Variants in ADH1C observed in about 807,000 individuals in gnomAD.
The protein encoded by ADH1C is alcohol dehydrogenase 1C.
A neutral mutation model predicts 35.0 loss-of-function variants in ADH1C; 26 were observed. That is an observed-to-expected ratio of 0.74 (90% CI 0.54 to 1.03). ADH1C has a LOEUF of 1.03. ADH1C is among the 50% of genes least tolerant of loss of function. ADH1C has a pLI of 0.00. For synonymous variants in ADH1C, 170 were observed against 169.3 expected (o/e 1.00, Z -0.03); for missense variants, 413 against 465.4 (o/e 0.89, Z 1.04).
intron 8 of ADH1C, among the ~76,000 whole-genome samples, chr4:99,337,149 C>A (rs1734297150): frequency 6.6e-6 from 1 of 152,102 alleles, no homozygotes. Context: ...ATGCTTCATG[C>A]ATTTTTTTCA....
intron 6 of ADH1C, among the ~76,000 whole-genome samples, chr4:99,342,430 T>C (rs1006041857): frequency 2.6e-5 from 4 of 152,202 alleles, no homozygotes; most frequent in African/African-American, 9.6e-5. Context: ...GTTAAAATAT[T>C]TTTGTTAAGA....
chr4:99,348,076 T>C (rs1328748911), intron 1 of ADH1C, among the ~76,000 whole-genome samples: 1 of 152,026 alleles, frequency 6.6e-6, no homozygotes, highest in Non-Finnish European at 1.5e-5. Flanking sequence ...TTAGATAAAA[T>C]GGAATATATT....
At chr4:99,348,172 T>A (rs952711785) in intron 1 of ADH1C, among the ~76,000 whole-genome samples, 1 of 151,884 alleles carries the variant, frequency 6.6e-6, no homozygotes, top group Non-Finnish European at 1.5e-5. Context: ...CATGTGCACA[T>A]TGTGCAGGTT....
intron 5 of ADH1C, 148 bp downstream of exon 5, chr4:99,344,714 G>A (rs956501679): frequency 5.0e-5 from 48 of 968,944 alleles, no homozygotes; most frequent in Middle Eastern, 4.5e-4. Context: ...TCTAGCCTGT[G>A]CTCTCAGTTC....
At chr4:99,339,137 C>A (rs1210869111) in intron 8 of ADH1C, among the ~76,000 whole-genome samples, 1 of 152,028 alleles carries the variant, frequency 6.6e-6, no homozygotes, top group Non-Finnish European at 1.5e-5. Flanking sequence ...TCCACCTACT[C>A]CCATAATGAA....
chr4:99,340,516 A>G, intron 7 of ADH1C, 59 bp downstream of exon 7: 1 of 1,595,830 alleles, frequency 6.3e-7, no homozygotes, highest in Non-Finnish European at 8.6e-7. Context: ...CTTGTCACTC[A>G]TAAAAGGAGA....
At chr4:99,339,512 G>T (rs2903199) in intron 8 of ADH1C, 65 bp downstream of exon 8, 2 of 743,932 alleles carry the variant, frequency 2.7e-6, no homozygotes, top group Non-Finnish European at 3.8e-6. Context: ...GCTAGACAAC[G>T]CCCCCCCCCC....
Position 99,339,672 on chromosome 4 carries a change from A to T in ADH1C, c.1008T>A (p.Phe336Leu). Reference protein sequence around the residue: ...KESVPKLVADFMAKKFSLDAL... With the variant: ...KESVPKLVADLMAKKFSLDAL... ...CATCCAGTGAAAACTTCTTAGCCAT[A>T]AAGTCAGCCACAAGTTTGGGGACAG... Residue 336 changes from phenylalanine (F) to leucine (L), a missense_variant, in exon 8 of 9, where the codon TTT becomes TTA. Transcript: ENST00000515683. 1 of 1,612,006 alleles carries T rather than the reference A, an allele frequency of 6.2e-7. No homozygotes were observed. Among genetic ancestry groups the T allele is most frequent in the Non-Finnish European group, 8.5e-7 (1 of 1,179,284 alleles).
In ADH1C at chr4:99,339,761, G is replaced by A. The variant is rs1439325092; in HGVS notation, c.965-46C>T. The A allele has an allele frequency of 2.6e-6, 4 of 1,552,880 alleles. No homozygotes were observed. The Admixed American group carries it at 6.1e-5, about 24-fold the overall frequency. Reference sequence around the variant, plus strand: ...TTGATAGATTCAACCAGGGTAAGTAGGAGAATTGAAGAGAAGATTTTCCAA... The same window carrying A: ...TTGATAGATTCAACCAGGGTAAGTAAGAGAATTGAAGAGAAGATTTTCCAA... On this transcript the variant is annotated intron_variant, in intron 7 of 8. Transcript: ENST00000515683.
intron 1 of ADH1C, among the ~76,000 whole-genome samples, chr4:99,349,803 TTCTGTGTG>T (rs1413646460): frequency 4.0e-5 from 6 of 149,280 alleles, no homozygotes; most frequent in South Asian, 2.1e-4. Flanking sequence ...GTATGTGTGT[TTCTGTGTG>T]TGTGTGTGTG....
chr4:99,349,745 C>A (rs934291731), intron 1 of ADH1C, among the ~76,000 whole-genome samples: 1 of 152,046 alleles, frequency 6.6e-6, no homozygotes, highest in Non-Finnish European at 1.5e-5. Flanking sequence ...GAGACTCCTT[C>A]CAGCTTAGAT....
chr4:99,343,042 G>C lies in ADH1C; in HGVS notation c.581C>G (p.Ser194Cys). ...TCCCAGGCCAAACACAGCACAGGTA[G>C]ACCCTGGGGTGACCTATGTTTTCAG... ...AVKVAKVTPG[S>C]TCAVFGLGGV... Residue 194 changes from serine to cysteine, a missense_variant, in exon 6 of 9, where the codon TCT (serine) becomes TGT (cysteine). Coordinates refer to ENST00000515683, the MANE Select transcript of ADH1C (RefSeq NM_000669.5). 1.2e-6 allele frequency: 2 copies of C among 1,611,938 alleles called. No individual in the cohort carries two copies. The highest frequency in any genetic ancestry group is 1.7e-6 in the Non-Finnish European group (2 of 1,179,262).
intron 8 of ADH1C, among the ~76,000 whole-genome samples, chr4:99,338,395 CTATATATATATATATATATA>C (rs35124782): frequency 4.1e-4 from 16 of 38,948 alleles, no homozygotes; most frequent in Non-Finnish European, 3.7e-4. Flanking sequence ...ATACTGTTTT[CTATATATATATATATATATA>C]TATATATATA....
At chr4:99,340,523 GA>G in intron 7 of ADH1C, 51 bp downstream of exon 7, 1 of 1,600,470 alleles carries the variant, frequency 6.2e-7, no homozygotes, top group Non-Finnish European at 8.5e-7. Flanking sequence ...CTCATAAAAG[GA>G]GAGAAATTCT....
In ADH1C at chr4:99,345,076, C is replaced by A; in HGVS notation, c.353G>T (p.Gly118Val). The A allele has an allele frequency of 6.2e-7, 1 of 1,614,176 alleles. No homozygotes were observed. The change falls in exon 5 of 9, where the codon GGC (glycine) becomes GTC (valine). Residue 118 changes from glycine (G) to valine (V), a missense_variant. Physicochemically the swap from Gly to Val is moderately radical, Grantham distance 109. Transcript: ENST00000515683. ...ATCCTGCAGGGTCCCCCGAGGATTG[C>A]CTAGACTGGGCAGTGCAATACAAAG... is the stretch of plus-strand genomic sequence containing the variant. ...ESNYCLKNDL[G>V]NPRGTLQDGT... is the part of the protein sequence containing the mutation.
At chr4:99,340,825 T>G (rs1734398791) in intron 6 of ADH1C, 115 bp from the exon 7 acceptor site, 2 of 1,462,056 alleles carry the variant, frequency 1.4e-6, no homozygotes, top group Admixed American at 1.9e-5. Context: ...AGGGAAGAGA[T>G]CATGTCTTTT....
At position 99,340,600 on chromosome 4, in the gene ADH1C, G is replaced by C; in HGVS notation, c.939C>G (p.Arg313=). The change falls in exon 7 of 9, where the codon CGC becomes CGG. Residue 313 remains arginine, a synonymous_variant. Transcript: ENST00000515683. ...SINPMLLLTG[R]TWKGAIFGGF... The stretch of plus-strand genomic sequence containing the variant: ...CTCCAAAAATAGCTCCTTTCCACGT[G>C]CGTCCAGTCAGTAGCAGCATAGGGT... The C allele has an allele frequency of 6.2e-7, 1 of 1,614,084 alleles. No individual in the cohort carries two copies. The highest frequency in any genetic ancestry group is 8.5e-7 in the Non-Finnish European group (1 of 1,180,000).
chr4:99,339,524 C>CAA lies in ADH1C; in HGVS notation c.1103+52_1103+53insTT, dbSNP rs1560535849. The CAA allele has an allele frequency of 2.4e-5, 28 of 1,153,624 alleles. 1 individual carries two copies. In the South Asian group the frequency reaches 3.2e-4, roughly 13 times the overall value. 71.5% of individuals were successfully genotyped at this position (1,153,624 alleles called of 1,614,324 possible). A position where few individuals can be genotyped will look rare whatever the true frequency, so the allele number is the denominator to read the frequency against. On this transcript the variant is annotated intron_variant, in intron 8 of 8. Transcript: ENST00000515683. ...TCTGCTAGACAACGCCCCCCCCCCC[C>CAA]CCGCCGCTACTGTAGAATACAAAGC...
In ADH1C at chr4:99,340,585, A is replaced by C; in HGVS notation, c.954T>G (p.Ala318=). 1 of 1,614,178 alleles carries C rather than the reference A, an allele frequency of 6.2e-7. No homozygotes were observed. The highest frequency in any genetic ancestry group is 1.1e-5 in the South Asian group (1 of 91,086). Residue 318 remains alanine (A), a synonymous_variant, in exon 7 of 9, where the codon GCT becomes GCG. Transcript: ENST00000515683. The part of the protein sequence containing the change: ...LLLTGRTWKG[A]IFGGFKSKES... ...AGCCTAACTACATACCTCCAAAAAT[A>C]GCTCCTTTCCACGTGCGTCCAGTCA...
Sources: allele counts gnomAD v4.1 joint callset (sites outside exome capture counted in the v4.1 genomes callset), GRCh38; gene constraint gnomAD v4.1.1; transcripts MANE v1.5; gene names NCBI Gene and HGNC (gene_info 2026-07-23, HGNC 2026-07-21).